Variants in POLR3H observed in about 807,000 individuals in gnomAD.
POLR3H encodes DNA-directed RNA polymerase III subunit RPC8.
A neutral mutation model predicts 25.5 loss-of-function variants in POLR3H; 17 were observed. That is an observed-to-expected ratio of 0.67 (90% confidence interval 0.46 to 1.00). The LOEUF (loss-of-function observed/expected upper bound fraction) is 1.00. Among genes scored for constraint, POLR3H ranks in the 50% least tolerant of loss-of-function variants. The pLI, the probability that POLR3H is intolerant of heterozygous loss-of-function variation, is 0.00. For missense variants in POLR3H, 274 were observed against 265.0 expected (o/e 1.03, Z -0.24); for synonymous variants, 129 against 103.0 (o/e 1.25, Z -1.53).
In POLR3H at chr22:41,526,010, T is replaced by A; in HGVS notation, c.*3273A>T. 2.3e-6 allele frequency: 1 copy of A among 427,392 alleles called. No homozygotes were observed. The highest frequency in any genetic ancestry group is 4.2e-6 in the Non-Finnish European group (1 of 237,894). The allele number at this position is 427,392 out of a possible 1,614,324, so 26.5% of individuals were successfully genotyped here. A position where few individuals can be genotyped will look rare whatever the true frequency, so the allele number is the denominator to read the frequency against. Reference sequence around the variant, plus strand: ...AGCGAACATTGACCTGTCCCAACTTTGGGCGGCCTCTGCCCCATAAGGGAG... The same window carrying A: ...AGCGAACATTGACCTGTCCCAACTTAGGGCGGCCTCTGCCCCATAAGGGAG... On this transcript the variant is annotated 3_prime_UTR_variant, in exon 6 of 6. Coordinates refer to ENST00000355209, the MANE Select transcript of POLR3H (RefSeq NM_001018050.4).
intron 2 of POLR3H, among the ~76,000 whole-genome samples, chr22:41,534,206 G>A (rs879440133): frequency 2.6e-5 from 4 of 151,926 alleles, no homozygotes; most frequent in Non-Finnish European, 4.4e-5. Context: ...CTGGGCTCAC[G>A]GGGGTGGGAC....
At position 41,526,762 on chromosome 22, in the gene POLR3H, AG is replaced by A. The variant is rs1435647399; in HGVS notation, c.*2520del. Reference sequence around the variant, plus strand: ...GAAGTCAGAGGCCAAAAGCTCAGAGAGGGGGCTACACGGGGCCTCACAGTGA... The same window carrying A: ...GAAGTCAGAGGCCAAAAGCTCAGAGAGGGGCTACACGGGGCCTCACAGTGA... On this transcript the variant is annotated 3_prime_UTR_variant, in exon 6 of 6. Transcript: ENST00000355209. 2.7e-5 allele frequency: 10 copies of A among 363,926 alleles called. No homozygotes were observed. The highest frequency in any genetic ancestry group is 4.0e-5 in the Non-Finnish European group (8 of 198,934). 22.5% of individuals were successfully genotyped at this position (363,926 alleles called of 1,614,324 possible). A position where few individuals can be genotyped will look rare whatever the true frequency, so the allele number is the denominator to read the frequency against.
At position 41,544,400 on chromosome 22, in the gene POLR3H, G is replaced by T; in HGVS notation, c.-299C>A. On this transcript the variant is annotated 5_prime_UTR_variant, in exon 1 of 6. Transcript: ENST00000355209. Reference sequence around the variant, plus strand: ...ACGCCACTCCACGCCCCGCACCCGCGCCACGTGCCGCCGCTCGTATCACGC... The same window carrying T: ...ACGCCACTCCACGCCCCGCACCCGCTCCACGTGCCGCCGCTCGTATCACGC... 1 of 256,604 alleles carries T rather than the reference G, an allele frequency of 3.9e-6. No homozygotes were observed. Among genetic ancestry groups the T allele is most frequent in the Non-Finnish European group, 7.1e-6 (1 of 141,634 alleles). 15.9% of individuals were successfully genotyped at this position (256,604 alleles called of 1,614,324 possible). A position where few individuals can be genotyped will look rare whatever the true frequency, so the allele number is the denominator to read the frequency against.
chr22:41,532,801 T>C, intron 2 of POLR3H, 56 bp from the exon 3 acceptor site: 2 of 1,584,288 alleles, frequency 1.3e-6, no homozygotes, highest in South Asian at 2.3e-5. Context: ...TGCGCTCCCA[T>C]GTCACCCTCA....
intron 1 of POLR3H, 39 bp from the exon 2 acceptor site, chr22:41,540,834 A>G (rs1312654679): frequency 6.6e-7 from 1 of 1,504,824 alleles, no homozygotes; most frequent in Non-Finnish European, 9.2e-7. Context: ...GTACACATGG[A>G]TACAGAGTGA....
In POLR3H at chr22:41,532,231, T is replaced by G. The variant is rs147563069; in HGVS notation, c.296-74A>C. ...CGCCAAACACTGCGGGGTCTTATGCTTGACAGGCAAGCCCTGCCTGGGGCT... is the reference window on the plus strand; with the variant it reads ...CGCCAAACACTGCGGGGTCTTATGCGTGACAGGCAAGCCCTGCCTGGGGCT... On this transcript the variant is annotated intron_variant, in intron 3 of 5. Transcript: ENST00000355209. 3 of 1,466,488 alleles carry G rather than the reference T, an allele frequency of 2.0e-6. No homozygotes were observed. In the East Asian group the frequency reaches 6.8e-5, roughly 33 times the overall value. The allele number at this position is 1,466,488 out of a possible 1,614,324, so 90.8% of individuals were successfully genotyped here.
Position 41,529,170 on chromosome 22 carries a change from A to AC in POLR3H, c.*112dup. 1 of 942,934 alleles carries AC rather than the reference A, an allele frequency of 1.1e-6. No homozygotes were observed. Among genetic ancestry groups the AC allele is most frequent in the East Asian group, 2.6e-5 (1 of 37,754 alleles). The allele number at this position is 942,934 out of a possible 1,614,324, so 58.4% of individuals were successfully genotyped here. On this transcript the variant is annotated 3_prime_UTR_variant, in exon 6 of 6. Transcript: ENST00000355209. ...TGGTGGGCACTCCTGGCCTTGCCTC[A>AC]CTGTCCAGCTCGAGACACTATCTCC...
chr22:41,529,394 A>T lies in POLR3H; in HGVS notation c.562-58T>A, dbSNP rs537746392. The T allele has an allele frequency of 9.8e-6, 15 of 1,532,552 alleles. No homozygotes were observed. In the South Asian group the frequency reaches 1.7e-4, roughly 17 times the overall value. 94.9% of individuals were successfully genotyped at this position (1,532,552 alleles called of 1,614,324 possible). A position where few individuals can be genotyped will look rare whatever the true frequency, so the allele number is the denominator to read the frequency against. ...GACATGCTGGCTTGAACCAACCTGGACAGGAGGTGAAGGGAGCCCAGCAGG... is the reference window on the plus strand; with the variant it reads ...GACATGCTGGCTTGAACCAACCTGGTCAGGAGGTGAAGGGAGCCCAGCAGG... On this transcript the variant is annotated intron_variant, in intron 5 of 5. Coordinates refer to ENST00000355209, the MANE Select transcript of POLR3H (RefSeq NM_001018050.4).
rs1555894499 is a variant in POLR3H at position 41,544,436 on chromosome 22, A to ACCGCGCACCGCGCACCGCGCACCG, written c.-336_-335insCGGTGCGCGGTGCGCGGTGCGCGG. The ACCGCGCACCGCGCACCGCGCACCG allele has an allele frequency of 2.9e-3, 541 of 187,206 alleles. 3 individuals carry two copies. Among genetic ancestry groups the ACCGCGCACCGCGCACCGCGCACCG allele is most frequent in the South Asian group, 9.8e-3 (63 of 6,454 alleles). 11.6% of individuals were successfully genotyped at this position (187,206 alleles called of 1,614,324 possible). A position where few individuals can be genotyped will look rare whatever the true frequency, so the allele number is the denominator to read the frequency against. On this transcript the variant is annotated 5_prime_UTR_variant, in exon 1 of 6. Coordinates refer to ENST00000355209, the MANE Select transcript of POLR3H (RefSeq NM_001018050.4). The stretch of plus-strand genomic sequence containing the variant: ...CCGCTCGTATCACGCACCACGCACC[A>ACCGCGCACCGCGCACCGCGCACCG]CGCACCGCGCACAGCCGCTCGCGCT...
rs762835753 is a variant in POLR3H, at chr22:41,528,622, C to G, written c.*661G>C. 6.5e-7 allele frequency: 1 copy of G among 1,541,878 alleles called. No homozygotes were observed. The highest frequency in any genetic ancestry group is 8.7e-7 in the Non-Finnish European group (1 of 1,148,010). ...AGGAACTGCAACAGTGAGGGCAGTG[C>G]CTCCCCGCCCCGCCGCTGGCGTCAA... On this transcript the variant is annotated 3_prime_UTR_variant, in exon 6 of 6. Transcript: ENST00000355209.
At position 41,529,139 on chromosome 22, in the gene POLR3H, G is replaced by A; in HGVS notation, c.*144C>T. The A allele has an allele frequency of 4.5e-6, 3 of 670,654 alleles. No homozygotes were observed. The highest frequency in any genetic ancestry group is 4.1e-4 in the Middle Eastern group (1 of 2,450). 41.5% of individuals were successfully genotyped at this position (670,654 alleles called of 1,614,324 possible). The stretch of plus-strand genomic sequence containing the variant: ...AGGGCCTAGATGGTGGAGGAGCGGG[G>A]CAAGCTGGTGGGCACTCCTGGCCTT... On this transcript the variant is annotated 3_prime_UTR_variant, in exon 6 of 6. Transcript: ENST00000355209.
chr22:41,528,123 T>C lies in POLR3H; in HGVS notation c.*1160A>G. The C allele has an allele frequency of 6.5e-7, 1 of 1,538,890 alleles. No homozygotes were observed. Among genetic ancestry groups the C allele is most frequent in the Non-Finnish European group, 8.8e-7 (1 of 1,138,120 alleles). Reference sequence around the variant, plus strand: ...GGTAGCTTCTCCCAGGAGGCTTCATTCCAGCTGGAAAGGCCCCCAGTTCTC... The same window carrying C: ...GGTAGCTTCTCCCAGGAGGCTTCATCCCAGCTGGAAAGGCCCCCAGTTCTC... On this transcript the variant is annotated 3_prime_UTR_variant, in exon 6 of 6. Coordinates refer to ENST00000355209, the MANE Select transcript of POLR3H (RefSeq NM_001018050.4).
At position 41,526,722 on chromosome 22, in the gene POLR3H, AG is replaced by A. The variant is rs201209763; in HGVS notation, c.*2560del. The A allele has an allele frequency of 0.011, 4,388 of 417,158 alleles. 40 individuals are homozygous for A. The highest frequency in any genetic ancestry group is 0.012 in the Non-Finnish European group (2,802 of 231,240). 25.8% of individuals were successfully genotyped at this position (417,158 alleles called of 1,614,324 possible). On this transcript the variant is annotated 3_prime_UTR_variant, in exon 6 of 6. Transcript: ENST00000355209. ...ATCTGGCCCTAGACAAAGACAAGGAAGGGGGCCGACTCAGGAAGTCAGAGGC... is the reference window on the plus strand; with the variant it reads ...ATCTGGCCCTAGACAAAGACAAGGAAGGGGCCGACTCAGGAAGTCAGAGGC...
Position 41,526,962 on chromosome 22 carries a change from T to A in POLR3H, c.*2321A>T. The A allele has an allele frequency of 2.3e-6, 1 of 434,962 alleles. No individual in the cohort carries two copies. The highest frequency in any genetic ancestry group is 2.7e-5 in the South Asian group (1 of 36,890). 26.9% of individuals were successfully genotyped at this position (434,962 alleles called of 1,614,324 possible). On this transcript the variant is annotated 3_prime_UTR_variant, in exon 6 of 6. Coordinates refer to ENST00000355209, the MANE Select transcript of POLR3H (RefSeq NM_001018050.4). ...GGGCGCCTTGAGCTTCACAGATGCA[T>A]CTTGTGTGGGGCCCGGAGGCCGTCC...
intron 2 of POLR3H, among the ~76,000 whole-genome samples, chr22:41,537,894 G>A (rs986808960): frequency 1.3e-5 from 2 of 151,558 alleles, no homozygotes; most frequent in East Asian, 1.9e-4. Context: ...GGGTTCAAGC[G>A]ATTCTCCTGC....
At position 41,544,284 on chromosome 22, in the gene POLR3H, GA is replaced by G. The variant is rs78346061; in HGVS notation, c.-184del. 1.1e-5 allele frequency: 6 copies of G among 556,072 alleles called. No homozygotes were observed. The East Asian group carries it at 1.8e-4, about 17-fold the overall frequency. 34.4% of individuals were successfully genotyped at this position (556,072 alleles called of 1,614,324 possible). On this transcript the variant is annotated 5_prime_UTR_variant, in exon 1 of 6. Transcript: ENST00000355209. The stretch of plus-strand genomic sequence containing the variant: ...CCATGCTCCGCTACTACAACATGAG[GA>G]AACTGAGGCCAGAGGGAGGCACTCT...
At chr22:41,534,802 G>C (rs1040987838) in intron 2 of POLR3H, among the ~76,000 whole-genome samples, 1 of 151,544 alleles carries the variant, frequency 6.6e-6, no homozygotes, top group Non-Finnish European at 1.5e-5. Context: ...GCTGAGGCAT[G>C]AGAATTGCTT....
chr22:41,541,547 AG>A (rs1301432573), intron 1 of POLR3H, among the ~76,000 whole-genome samples: 1 of 152,082 alleles, frequency 6.6e-6, no homozygotes, highest in African/African-American at 2.4e-5. Flanking sequence ...AGAAGCTCAG[AG>A]AACTCAGAGT....
chr22:41,543,736 G>A (rs1365378315), intron 1 of POLR3H: 2 of 646,594 alleles, frequency 3.1e-6, no homozygotes, highest in Admixed American at 4.2e-5. Flanking sequence ...AGGCCCAGAA[G>A]GGGTCAGTAA....
Sources: gnomAD v4.1 joint callset for allele counts (sites outside exome capture counted in the v4.1 genomes callset) on GRCh38, gnomAD v4.1.1 for gene constraint, MANE v1.5 for transcripts, NCBI Gene and HGNC (gene_info 2026-07-23, HGNC 2026-07-21) for gene names.